B3GALT5: variants seen among roughly 807,000 people sequenced by gnomAD.
B3GALT5 encodes the protein beta-1,3-galactosyltransferase 5, also known as UDP-Gal:betaGlcNAc beta 1,3-galactosyltransferase, polypeptide 5.
For synonymous variants in B3GALT5, 156 were observed against 158.6 expected (o/e 0.98, Z 0.12); for missense variants, 328 against 396.6 (o/e 0.83, Z 1.47).
intron 1 of B3GALT5, among the ~76,000 whole-genome samples, chr21:39,623,287 C>CTTCT (rs2079147539): frequency 3.0e-5 from 4 of 134,504 alleles, no homozygotes; most frequent in African/African-American, 1.1e-4. Context: ...TCCTTCCTTC[C>CTTCT]TTCCTCTGTT....
intron 2 of B3GALT5, among the ~76,000 whole-genome samples, chr21:39,647,931 A>G (rs610353): frequency 0.54 from 81,620 of 152,002 alleles, 22,070 homozygotes; most frequent in South Asian, 0.6. Context: ...AATTTTCGGA[A>G]TTTTCTAATG....
intron 1 of B3GALT5, among the ~76,000 whole-genome samples, chr21:39,621,386 A>G (rs1185027859): frequency 6.6e-6 from 1 of 151,618 alleles, no homozygotes; most frequent in Non-Finnish European, 1.5e-5. Flanking sequence ...TTCAAAAGAG[A>G]TATTGTTCAT....
At chr21:39,643,023 G>GC (rs2079303455) in intron 1 of B3GALT5, among the ~76,000 whole-genome samples, 1 of 151,772 alleles carries the variant, frequency 6.6e-6, no homozygotes, top group African/African-American at 2.4e-5. Context: ...CTGCACTCCA[G>GC]CCTGGGCGAA....
At position 39,639,390 on chromosome 21, in the gene B3GALT5, C is replaced by CT. The variant is rs1569212298; in HGVS notation, c.-391-7002_-391-7001insT. On this transcript the variant is annotated intron_variant, in intron 1 of 3. Coordinates refer to ENST00000684187, the MANE Select transcript of B3GALT5 (RefSeq NM_001356336.2). ...TCCTTCCTTCCTTCCTTCCTTCCTT[C>CT]CTTCTTTCTTTTTCTTTCTTTCTTT... Among the ~76,000 whole-genome samples, 15 of 114,716 alleles carry CT rather than the reference C, an allele frequency of 1.3e-4. 1 individual carries two copies. Among genetic ancestry groups the CT allele is most frequent in the East Asian group, 4.9e-4 (2 of 4,074 alleles). The allele number at this position is 114,716 out of a possible 152,430, so 75.3% of individuals were successfully genotyped here. A position where few individuals can be genotyped will look rare whatever the true frequency, so the allele number is the denominator to read the frequency against.
chr21:39,641,134 T>C (rs567507830), intron 1 of B3GALT5, among the ~76,000 whole-genome samples: 19 of 152,328 alleles, frequency 1.2e-4, no homozygotes, highest in African/African-American at 4.6e-4. Flanking sequence ...GGTTGGAAGA[T>C]GCCAAAAAGT....
chr21:39,644,236 C>T lies in B3GALT5; in HGVS notation c.-391-2156C>T, dbSNP rs147589264. Among the ~76,000 whole-genome samples, 648 of 152,150 alleles carry T rather than the reference C, an allele frequency of 4.3e-3. 5 individuals carry two copies. The highest frequency in any genetic ancestry group is 0.025 in the East Asian group (127 of 5,170). On this transcript the variant is annotated intron_variant, in intron 1 of 3. Coordinates refer to ENST00000684187, the MANE Select transcript of B3GALT5 (RefSeq NM_001356336.2). ...CATTTGTTTCAGGTAGGCAGAGAAA[C>T]GACTTTGAGTTCTGTCCTACGTCCC...
chr21:39,636,781 T>C (rs577670583), intron 1 of B3GALT5, among the ~76,000 whole-genome samples: 2 of 152,170 alleles, frequency 1.3e-5, no homozygotes, highest in African/African-American at 2.4e-5. Context: ...GGTTGTCTCC[T>C]GTGTGGCTTT....
chr21:39,629,487 A>T (rs1270918492), intron 1 of B3GALT5, among the ~76,000 whole-genome samples: 1 of 152,156 alleles, frequency 6.6e-6, no homozygotes, highest in East Asian at 1.9e-4. Context: ...GAATTAATTC[A>T]ATCCTGCTTT....
In B3GALT5 at chr21:39,668,349, C is replaced by T. The variant is rs182557896; in HGVS notation, c.*6857C>T. 1.3e-5 allele frequency: 2 copies of T among 152,366 alleles called. No individual in the cohort carries two copies. The highest frequency in any genetic ancestry group is 4.8e-5 in the African/African-American group (2 of 41,558). The allele number at this position is 152,366 out of a possible 1,614,324, so 9.4% of individuals were successfully genotyped here. ...AAGACCACCATTGCAGACCCAGGCT[C>T]TAAGCTAGCCTCTGCAAACTCAGGA... On this transcript the variant is annotated 3_prime_UTR_variant, in exon 4 of 4. Coordinates refer to ENST00000684187, the MANE Select transcript of B3GALT5 (RefSeq NM_001356336.2).
intron 1 of B3GALT5, among the ~76,000 whole-genome samples, chr21:39,640,691 AT>A (rs574265463): frequency 9.4e-4 from 138 of 146,036 alleles, no homozygotes; most frequent in Middle Eastern, 7.2e-3. Flanking sequence ...AATCCATTCT[AT>A]TTTTTTTTTT....
rs2079524349 is a variant in B3GALT5, at chr21:39,661,491, G to A, written c.932G>A (p.Ter311=). ...NSRGEDCPPV[*] Reference sequence around the variant, plus strand: ...CGGGGGGAAGATTGTCCGCCTGTCTGAGGGGAGCCCAGAGGCACATCCGGA... The same window carrying A: ...CGGGGGGAAGATTGTCCGCCTGTCTAAGGGGAGCCCAGAGGCACATCCGGA... Residue 311 remains the stop codon, a stop_retained_variant, in exon 4 of 4, where the codon TGA becomes TAA. Transcript: ENST00000684187. This position sits in a 1 kb window ranked among gnomAD's most constrained non-coding sequence, Gnocchi z 4.7. 4.6e-6 allele frequency: 7 copies of A among 1,506,198 alleles called. No individual in the cohort carries two copies. Among genetic ancestry groups the A allele is most frequent in the South Asian group, 4.2e-5 (3 of 71,706 alleles). The allele number at this position is 1,506,198 out of a possible 1,614,324, so 93.3% of individuals were successfully genotyped here.
At chr21:39,622,632 A>C (rs1006728610) in intron 1 of B3GALT5, among the ~76,000 whole-genome samples, 5 of 152,032 alleles carry the variant, frequency 3.3e-5, no homozygotes, top group African/African-American at 1.2e-4. Context: ...GTGTCATTTG[A>C]ACTCGCATAT....
At chr21:39,619,857 G>A (rs968957978) in intron 1 of B3GALT5, among the ~76,000 whole-genome samples, 2 of 152,036 alleles carry the variant, frequency 1.3e-5, no homozygotes, top group Non-Finnish European at 2.9e-5. Context: ...ACCCAGGCTG[G>A]AGTGCAGTGG....
At chr21:39,628,618 G>C (rs1294272326) in intron 1 of B3GALT5, among the ~76,000 whole-genome samples, 9 of 152,224 alleles carry the variant, frequency 5.9e-5, no homozygotes, top group Non-Finnish European at 1.0e-4. Context: ...CCATGTCAGT[G>C]CTGTGTCAGA....
intron 2 of B3GALT5, among the ~76,000 whole-genome samples, chr21:39,656,396 TG>T (rs907551530): frequency 1.3e-5 from 2 of 152,174 alleles, no homozygotes; most frequent in Non-Finnish European, 2.9e-5. Context: ...TCCCATCCCC[TG>T]GTTCCACCTG....
intron 1 of B3GALT5, among the ~76,000 whole-genome samples, chr21:39,633,236 TA>T (rs1420992340): frequency 4.6e-5 from 7 of 152,120 alleles, no homozygotes; most frequent in Non-Finnish European, 1.5e-5. Context: ...AATCCCTTGG[TA>T]ACAAGGAAAT....
intron 1 of B3GALT5, among the ~76,000 whole-genome samples, chr21:39,628,565 T>G (rs1003219240): frequency 5.3e-5 from 8 of 152,246 alleles, no homozygotes. Flanking sequence ...GTTTCGACCT[T>G]TGTCACATGA....
rs898126646 is a variant in B3GALT5 at position 39,665,309 on chromosome 21, C to G, written c.*3817C>G. 6.6e-6 allele frequency: 1 copy of G among 152,376 alleles called. No individual in the cohort carries two copies. Among genetic ancestry groups the G allele is most frequent in the African/African-American group, 2.4e-5 (1 of 41,452 alleles). 9.4% of individuals were successfully genotyped at this position (152,376 alleles called of 1,614,324 possible). A position where few individuals can be genotyped will look rare whatever the true frequency, so the allele number is the denominator to read the frequency against. On this transcript the variant is annotated 3_prime_UTR_variant, in exon 4 of 4. Transcript: ENST00000684187. ...ACCCTTGTTCAAGCCTGCATTGCCT[C>G]TCACCTGCATTCGTGCAGCTACCTC...
chr21:39,657,793 G>T, intron 2 of B3GALT5: 1 of 1,135,300 alleles, frequency 8.8e-7, no homozygotes, highest in African/African-American at 1.6e-5. Context: ...AGAGAACCCT[G>T]ACTAATACAC....
Sources: gnomAD v4.1 joint callset for allele counts (sites outside exome capture counted in the v4.1 genomes callset) on GRCh38, gnomAD v4.1.1 for gene constraint, Gnocchi (gnomAD v3.1) non-coding constraint, MANE v1.5 for transcripts, NCBI Gene and HGNC (gene_info 2026-07-23, HGNC 2026-07-21) for gene names.